The following PPHLN1 variants were observed in gnomAD, a reference collection of about 807,000 sequenced individuals.
The protein encoded by PPHLN1 is periphilin-1.
In PPHLN1, 29 loss-of-function variants were observed where a neutral mutation model predicts 51.3. The ratio of observed to expected loss-of-function variants is 0.57; its 90% CI spans 0.42 to 0.77. PPHLN1 has a LOEUF of 0.77. PPHLN1 is among the 30% of genes least tolerant of loss of function. The pLI, the probability that PPHLN1 is intolerant of heterozygous loss-of-function variation, is 0.00. For synonymous variants in PPHLN1, 147 were observed against 147.8 expected (o/e 0.99, Z 0.04); for missense variants, 436 against 438.4 (o/e 0.99, Z 0.05).
chr12:42,348,655 C>T (rs1251639907), intron 2 of PPHLN1, among the ~76,000 whole-genome samples: 1 of 152,140 alleles, frequency 6.6e-6, no homozygotes, highest in East Asian at 1.9e-4. Context: ...AGTCACCCCA[C>T]CATCCCTCCA....
At chr12:42,430,390 C>G (rs1269713186) in intron 9 of PPHLN1, among the ~76,000 whole-genome samples, 1 of 152,154 alleles carries the variant, frequency 6.6e-6, no homozygotes, top group Admixed American at 6.5e-5. Flanking sequence ...TTTTGACTGT[C>G]CCAAAACTTG....
intron 9 of PPHLN1, 194 bp downstream of exon 9, chr12:42,399,188 A>G (rs1295012733): frequency 8.1e-7 from 1 of 1,241,858 alleles, no homozygotes; most frequent in Non-Finnish European, 1.0e-6. Context: ...TGGATTGTTT[A>G]TTTTTAAATA....
At chr12:42,422,086 C>T (rs966604761) in intron 9 of PPHLN1, among the ~76,000 whole-genome samples, 9 of 152,088 alleles carry the variant, frequency 5.9e-5, no homozygotes, top group African/African-American at 2.2e-4. Flanking sequence ...GGTCAGATTT[C>T]AGCACTAATG....
chr12:42,424,547 T>C (rs1331906723), intron 9 of PPHLN1, among the ~76,000 whole-genome samples: 1 of 152,214 alleles, frequency 6.6e-6, no homozygotes, highest in Non-Finnish European at 1.5e-5. Context: ...ATACATATTT[T>C]TCAGTTGGCA....
At chr12:42,445,869 T>A (rs1044478039), downstream of PPHLN1, 6 of 1,377,578 alleles carry the variant, frequency 4.4e-6, no homozygotes, top group African/African-American at 8.7e-5. Context: ...TCTCCAGACA[T>A]AAAACTGCAG....
At chr12:42,328,457 G>C (rs894167670) in intron 1 of PPHLN1, among the ~76,000 whole-genome samples, 2 of 152,156 alleles carry the variant, frequency 1.3e-5, no homozygotes, top group African/African-American at 4.8e-5. Context: ...TAAAACACTG[G>C]AAGGAGGCTG....
At chr12:42,355,086 G>T in intron 3 of PPHLN1, 75 bp from the exon 4 acceptor site, 1 of 1,337,998 alleles carries the variant, frequency 7.5e-7, no homozygotes, top group Non-Finnish European at 1.1e-6. Context: ...TCTAGTTTCT[G>T]GTAGTATTGT....
intron 5 of PPHLN1, among the ~76,000 whole-genome samples, chr12:42,377,910 C>T (rs574277789): frequency 3.5e-4 from 53 of 152,132 alleles, no homozygotes; most frequent in African/African-American, 1.2e-3. Context: ...GTGGTTGAGC[C>T]GTAACGTGAT....
chr12:42,360,458 C>CTTTTTT lies in PPHLN1; in HGVS notation c.299+5260_299+5265dup, dbSNP rs71084642. Among the ~76,000 whole-genome samples the CTTTTTT allele has an allele frequency of 8.2e-4, 46 of 56,292 alleles. 8 individuals are homozygous for CTTTTTT. The highest frequency in any genetic ancestry group is 3.1e-3 in the African/African-American group (41 of 13,100). 36.9% of individuals were successfully genotyped at this position (56,292 alleles called of 152,430 possible). On this transcript the variant is annotated intron_variant, in intron 4 of 9. Transcript: ENST00000358314. ...ACAGTTCCTGAAGTGATGCTGAATT[C>CTTTTTT]TTTTTTTTTTTTTTTTTTTTTTTTT...
chr12:42,439,805 G>A (rs935944024), intron 9 of PPHLN1, among the ~76,000 whole-genome samples: 8 of 152,332 alleles, frequency 5.3e-5, no homozygotes, highest in South Asian at 2.1e-4. Context: ...GATTACAGGC[G>A]TGAGCCACCT....
intron 2 of PPHLN1, among the ~76,000 whole-genome samples, chr12:42,340,949 C>T (rs2071389201): frequency 6.6e-6 from 1 of 151,104 alleles, no homozygotes; most frequent in South Asian, 2.1e-4. Flanking sequence ...AACAATTTTA[C>T]AGAATTTCTC....
chr12:42,337,204 C>T (rs2070781136), intron 2 of PPHLN1, among the ~76,000 whole-genome samples: 1 of 151,158 alleles, frequency 6.6e-6, no homozygotes, highest in Non-Finnish European at 1.5e-5. Context: ...TCCCCTCTCC[C>T]CTCTGCCACT....
chr12:42,432,653 TC>T (rs2082137185), intron 9 of PPHLN1, among the ~76,000 whole-genome samples: 1 of 152,330 alleles, frequency 6.6e-6, no homozygotes, highest in African/African-American at 2.4e-5. Context: ...TTCTAAATGT[TC>T]CAGTGTCTTC....
At chr12:42,390,904 G>T (rs1346772846) in intron 7 of PPHLN1, among the ~76,000 whole-genome samples, 2 of 144,158 alleles carry the variant, frequency 1.4e-5, no homozygotes, top group East Asian at 4.3e-4. Flanking sequence ...GGTCTCAAAT[G>T]ATCCTTCCAC....
chr12:42,407,608 G>C (rs906324326), intron 9 of PPHLN1, among the ~76,000 whole-genome samples: 1 of 152,136 alleles, frequency 6.6e-6, no homozygotes, highest in Non-Finnish European at 1.5e-5. Context: ...CTCAGTATCC[G>C]TGGGGAATTG....
At chr12:42,421,610 A>T (rs1396728637) in intron 9 of PPHLN1, among the ~76,000 whole-genome samples, 1 of 152,158 alleles carries the variant, frequency 6.6e-6, no homozygotes, top group Non-Finnish European at 1.5e-5. Flanking sequence ...AGCCTTCCAA[A>T]GTGCTGGGAT....
At chr12:42,365,585 T>C (rs925963448) in intron 4 of PPHLN1, among the ~76,000 whole-genome samples, 2 of 151,678 alleles carry the variant, frequency 1.3e-5, no homozygotes, top group African/African-American at 2.4e-5. Context: ...TTCAAAAATC[T>C]GCTTTTCAAA....
At chr12:42,435,363 A>C (rs1434697594) in intron 9 of PPHLN1, among the ~76,000 whole-genome samples, 1 of 152,222 alleles carries the variant, frequency 6.6e-6, no homozygotes, top group Non-Finnish European at 1.5e-5. Context: ...CCATGTGTTC[A>C]TAATGCATTT....
chr12:42,393,305 T>G (rs1414337588), intron 7 of PPHLN1, among the ~76,000 whole-genome samples: 1 of 152,154 alleles, frequency 6.6e-6, no homozygotes, highest in Non-Finnish European at 1.5e-5. Context: ...ATTGTCAGTG[T>G]CTTTTGCTTT....
Sources: gnomAD v4.1 joint callset for allele counts (sites outside exome capture counted in the v4.1 genomes callset) on GRCh38, gnomAD v4.1.1 for gene constraint, MANE v1.5 for transcripts, NCBI Gene and HGNC (gene_info 2026-07-23, HGNC 2026-07-21) for gene names.